The following PPM1F variants were observed in gnomAD, a reference collection of about 807,000 sequenced individuals.
The protein encoded by PPM1F is protein phosphatase, Mg2+/Mn2+ dependent 1F.
A neutral mutation model predicts 35.5 loss-of-function variants in PPM1F; 17 were observed. That is an observed-to-expected ratio of 0.48 (90% CI 0.33 to 0.72). The LOEUF (loss-of-function observed/expected upper bound fraction) is 0.72, where lower values mean the gene tolerates loss of function less well. PPM1F is among the 30% of genes least tolerant of loss of function. PPM1F has a pLI of 0.02. For synonymous variants in PPM1F, 241 were observed against 255.5 expected, an observed-to-expected ratio of 0.94 and a Z score of 0.54; for missense variants, 521 against 613.0, an observed-to-expected ratio of 0.85 and a Z score of 1.59.
chr22:21,926,108 A>C, intron 6 of PPM1F: 1 of 158,908 alleles, frequency 6.3e-6, no homozygotes, highest in Non-Finnish European at 1.3e-5. Flanking sequence ...CGAGGCCCTG[A>C]CGGCAGCCTG....
rs764057762 is a variant in PPM1F at position 21,923,417 on chromosome 22, G to T, written c.1040C>A (p.Ala347Glu). ...CAGGTAGTCCTCGGAGCCCGTCAGC[G>T]CCCGGGAAGCTGCATCGGCCTCCCC... is the stretch of plus-strand genomic sequence containing the variant. ...VSGEADAASR[A>E]LTGSEDYLLL... is the part of the protein sequence containing the mutation. The change falls in exon 8 of 8, where the codon GCG becomes GAG. Residue 347 changes from alanine to glutamate, a missense_variant. By Grantham distance (107) the Ala-to-Glu change is moderately radical. Coordinates refer to ENST00000263212, the MANE Select transcript of PPM1F (RefSeq NM_014634.4). The T allele has an allele frequency of 6.2e-7, 1 of 1,613,436 alleles. No homozygotes were observed. Among genetic ancestry groups the T allele is most frequent in the Non-Finnish European group, 8.5e-7 (1 of 1,179,730 alleles).
At chr22:21,923,945 C>T (rs1262018853) in intron 7 of PPM1F, among the ~76,000 whole-genome samples, 2 of 151,808 alleles carry the variant, frequency 1.3e-5, no homozygotes, top group African/African-American at 2.4e-5. Flanking sequence ...ACCTCAGCCT[C>T]CCAAAGTGCT....
At position 21,946,018 on chromosome 22, in the gene PPM1F, G is replaced by T; in HGVS notation, c.31C>A (p.Pro11Thr). The part of the protein sequence containing the change: MSSGAPQKSS[P>T]MASGAEETPG... ...GTCTCCTCAGCTCCACTGGCCATTG[G>T]GCTGCTCTTCTGTGGGGCTCCAGAG... Residue 11 changes from proline (P) to threonine (T), a missense_variant, in exon 2 of 8, where the codon CCA (proline) becomes ACA (threonine). Physicochemically the swap from Pro to Thr is conservative, Grantham distance 38. Coordinates refer to ENST00000263212, the MANE Select transcript of PPM1F (RefSeq NM_014634.4). 6.3e-7 allele frequency: 1 copy of T among 1,580,716 alleles called. No homozygotes were observed. Among genetic ancestry groups the T allele is most frequent in the Non-Finnish European group, 8.6e-7 (1 of 1,162,014 alleles).
chr22:21,931,063 T>C, intron 6 of PPM1F, 85 bp downstream of exon 6: 1 of 1,561,378 alleles, frequency 6.4e-7, no homozygotes, highest in South Asian at 1.2e-5. Flanking sequence ...CTACCTGAAG[T>C]TCCCAGGCTG....
intron 6 of PPM1F, among the ~76,000 whole-genome samples, chr22:21,927,942 G>GTTT (rs60216371): frequency 1.1e-4 from 8 of 75,146 alleles, no homozygotes; most frequent in African/African-American, 2.8e-4. Context: ...TTTTTGTTTT[G>GTTT]TTTTTTTTTT....
At position 21,925,653 on chromosome 22, in the gene PPM1F, C is replaced by T. The variant is rs1447672877; in HGVS notation, c.901G>A (p.Ala301Thr). 1.9e-6 allele frequency: 3 copies of T among 1,584,742 alleles called. No individual in the cohort carries two copies. Among genetic ancestry groups the T allele is most frequent in the Non-Finnish European group, 2.6e-6 (3 of 1,160,378 alleles). ...PHRPERQDEKARIEALGGFVS... is the reference protein window; with the variant it reads ...PHRPERQDEKTRIEALGGFVS... ...AAGCCACCCAATGCTTCAATGCGCG[C>T]CTTCTCATCCTGCAGAAACACAGCC... is the stretch of plus-strand genomic sequence containing the variant. The change falls in exon 7 of 8, where the codon GCG becomes ACG. Residue 301 changes from alanine to threonine, a missense_variant. By Grantham distance (58) the Ala-to-Thr change is moderately conservative. Coordinates refer to ENST00000263212, the MANE Select transcript of PPM1F (RefSeq NM_014634.4).
Position 21,923,086 on chromosome 22 carries a change from A to T in PPM1F, c.*6T>A, listed in dbSNP as rs2070465804. On this transcript the variant is annotated 3_prime_UTR_variant, in exon 8 of 8. Coordinates refer to ENST00000263212, the MANE Select transcript of PPM1F (RefSeq NM_014634.4). ...AGGAAGGGGAGGGCAGGGGCCTGGA[A>T]ACCACCTAGCTTCTTGGTGGAGCCT... 1 of 1,589,256 alleles carries T rather than the reference A, an allele frequency of 6.3e-7. No homozygotes were observed. Among genetic ancestry groups the T allele is most frequent in the Non-Finnish European group, 8.6e-7 (1 of 1,168,746 alleles).
At chr22:21,933,893 G>T in intron 4 of PPM1F, 131 bp downstream of exon 4, 2 of 907,530 alleles carry the variant, frequency 2.2e-6, no homozygotes, top group Non-Finnish European at 1.6e-6. Context: ...CTCTTGCTGG[G>T]CAAGTACAGG....
At chr22:21,931,008 A>G (rs1455041789) in intron 6 of PPM1F, 140 bp downstream of exon 6, 1 of 1,397,578 alleles carries the variant, frequency 7.2e-7, no homozygotes, top group Non-Finnish European at 9.5e-7. Context: ...CGGCCACTCA[A>G]ATCAGGCAGG....
At chr22:21,943,074 T>G (rs910155939) in intron 2 of PPM1F, 8 of 152,240 alleles carry the variant, frequency 5.3e-5, no homozygotes, top group African/African-American at 1.9e-4. Flanking sequence ...AAGGCGTAAA[T>G]AGCCCCCTGT....
In PPM1F at chr22:21,922,936, G is replaced by T; in HGVS notation, c.*156C>A. 1.1e-6 allele frequency: 1 copy of T among 952,298 alleles called. No homozygotes were observed. Among genetic ancestry groups the T allele is most frequent in the Non-Finnish European group, 1.6e-6 (1 of 642,984 alleles). The allele number at this position is 952,298 out of a possible 1,614,324, so 59.0% of individuals were successfully genotyped here. On this transcript the variant is annotated 3_prime_UTR_variant, in exon 8 of 8. Transcript: ENST00000263212. ...GTGCAGTTCCACAGCCACCAGGACGGGCTGCGGGGGGTGTCCCGACTGGCT... is the reference window on the plus strand; with the variant it reads ...GTGCAGTTCCACAGCCACCAGGACGTGCTGCGGGGGGTGTCCCGACTGGCT...
At chr22:21,938,415 T>C in intron 3 of PPM1F, 1 of 1,156,458 alleles carries the variant, frequency 8.6e-7, no homozygotes, top group Middle Eastern at 4.0e-4. Context: ...TCCCAGGGAA[T>C]GCGGGCAGGG....
chr22:21,931,381 A>G (rs965167797), intron 5 of PPM1F, 90 bp from the exon 6 acceptor site: 7 of 1,280,958 alleles, frequency 5.5e-6, no homozygotes, highest in Non-Finnish European at 7.5e-6. Flanking sequence ...GGGGGTGATG[A>G]ATACTTCCGT....
intron 3 of PPM1F, chr22:21,938,927 C>T (rs1160845671): frequency 6.5e-6 from 1 of 154,542 alleles, no homozygotes; most frequent in Non-Finnish European, 1.4e-5. Context: ...CCTGGCCACA[C>T]CATGCTTATG....
Position 21,920,084 on chromosome 22 carries a change from T to A in PPM1F, c.*3008A>T, listed in dbSNP as rs541436826. The stretch of plus-strand genomic sequence containing the variant: ...GGCCCTGCTTCCCCAGCTTTTGTAT[T>A]CCATATACGGTGCTGGCATGTGGAG... On this transcript the variant is annotated 3_prime_UTR_variant, in exon 8 of 8. Coordinates refer to ENST00000263212, the MANE Select transcript of PPM1F (RefSeq NM_014634.4). The A allele has an allele frequency of 6.6e-6, 1 of 152,364 alleles. No individual in the cohort carries two copies. The highest frequency in any genetic ancestry group is 2.4e-5 in the African/African-American group (1 of 41,568). The allele number at this position is 152,364 out of a possible 1,614,324, so 9.4% of individuals were successfully genotyped here.
chr22:21,932,168 G>T (rs747155213), intron 5 of PPM1F, among the ~76,000 whole-genome samples: 1 of 152,106 alleles, frequency 6.6e-6, no homozygotes, highest in Non-Finnish European at 1.5e-5. Context: ...GGCCAGGCTG[G>T]TCTCGAATTC....
chr22:21,933,498 G>C lies in PPM1F; in HGVS notation c.640C>G (p.His214Asp). The stretch of plus-strand genomic sequence containing the variant: ...TCTGGCTGGCGGGCAGCGTTGGTGT[G>C]CACGTGGACAGCGGCGTACCTCGCA... ...DAARYAAVHV[H>D]TNAARQPELP... is the part of the protein sequence containing the mutation. The change falls in exon 5 of 8, where the codon CAC becomes GAC. Residue 214 changes from histidine to aspartate, a missense_variant. His to Asp is a moderately conservative substitution (Grantham distance 81). Around this residue, in one of 3 missense-constraint regions of PPM1F, gnomAD observed 311 missense variants for 351.5 expected, o/e 0.88. Transcript: ENST00000263212. 6.2e-7 allele frequency: 1 copy of C among 1,613,670 alleles called. No homozygotes were observed.
At chr22:21,940,341 C>T (rs553528060) in intron 2 of PPM1F, among the ~76,000 whole-genome samples, 17 of 152,138 alleles carry the variant, frequency 1.1e-4, no homozygotes, top group African/African-American at 3.1e-4. Context: ...GGTGTGGTGG[C>T]GCATGCCTGT....
chr22:21,928,808 T>G (rs560136962), intron 6 of PPM1F, among the ~76,000 whole-genome samples: 1 of 152,276 alleles, frequency 6.6e-6, no homozygotes, highest in East Asian at 1.9e-4. Flanking sequence ...CTGCAGGAAT[T>G]GCAACTGCCT....
Sources: allele counts gnomAD v4.1 joint callset (sites outside exome capture counted in the v4.1 genomes callset), GRCh38; gene constraint gnomAD v4.1.1; regional missense constraint gnomAD v4.1.1; transcripts MANE v1.5; gene names NCBI Gene and HGNC (gene_info 2026-07-23, HGNC 2026-07-21).